ST6GALNAC3: variants seen among roughly 807,000 people sequenced by gnomAD.
The protein encoded by ST6GALNAC3 is alpha-N-acetylgalactosaminide alpha-2,6-sialyltransferase 3.
Under a neutral mutation model 32.7 loss-of-function variants are expected in ST6GALNAC3, and 25 were observed. The ratio of observed to expected loss-of-function variants is 0.76; its 90% CI spans 0.56 to 1.07. The LOEUF is 1.07. ST6GALNAC3 is among the 50% of genes least tolerant of loss of function. The probability of loss-of-function intolerance (pLI) is 0.00; values close to 1 mark genes in which losing one functional copy is unlikely to be tolerated. For synonymous variants in ST6GALNAC3, 129 were observed against 133.1 expected (o/e 0.97, Z 0.21); for missense variants, 355 against 382.4 (o/e 0.93, Z 0.60).
At chr1:76,500,607 T>A (rs1477431412) in intron 3 of ST6GALNAC3, among the ~76,000 whole-genome samples, 1 of 152,212 alleles carries the variant, frequency 6.6e-6, no homozygotes, top group African/African-American at 2.4e-5. Context: ...TTTTAATCAA[T>A]GTCACAGGTG....
At chr1:76,366,726 A>G (rs1163590589) in intron 2 of ST6GALNAC3, among the ~76,000 whole-genome samples, 1 of 152,076 alleles carries the variant, frequency 6.6e-6, no homozygotes, top group Non-Finnish European at 1.5e-5. Context: ...AAAAAAATAC[A>G]CACACAAGTA....
At chr1:76,569,894 TG>T (rs1264640337) in intron 3 of ST6GALNAC3, among the ~76,000 whole-genome samples, 2 of 152,150 alleles carry the variant, frequency 1.3e-5, no homozygotes, top group Non-Finnish European at 2.9e-5. Context: ...CCTATGTTCT[TG>T]GATTTGATGT....
intron 1 of ST6GALNAC3, among the ~76,000 whole-genome samples, chr1:76,187,167 C>A (rs762125056): frequency 1.3e-5 from 2 of 152,184 alleles, no homozygotes; most frequent in Non-Finnish European, 2.9e-5. Context: ...GAAAGCTGTG[C>A]ATTCTAAATG....
intron 3 of ST6GALNAC3, among the ~76,000 whole-genome samples, chr1:76,494,647 G>GCACACACACA: frequency 1.9e-5 from 1 of 54,012 alleles, no homozygotes; most frequent in South Asian, 5.8e-4. Flanking sequence ...TCATGTGTAT[G>GCACACACACA]CGCACACACA....
intron 1 of ST6GALNAC3, among the ~76,000 whole-genome samples, chr1:76,291,580 T>C (rs1660094666): frequency 6.6e-6 from 1 of 152,254 alleles, no homozygotes. Flanking sequence ...AGCAGGCTGC[T>C]TGTCGGAGTT....
chr1:76,498,745 A>C (rs1453233614), intron 3 of ST6GALNAC3, among the ~76,000 whole-genome samples: 1 of 151,276 alleles, frequency 6.6e-6, no homozygotes, highest in African/African-American at 2.4e-5. Context: ...AAAAACGGAG[A>C]AGAAATTTCC....
At chr1:76,149,114 A>T (rs1650880110) in intron 1 of ST6GALNAC3, among the ~76,000 whole-genome samples, 1 of 152,346 alleles carries the variant, frequency 6.6e-6, no homozygotes, top group East Asian at 1.9e-4. Context: ...CGGTCTCTCT[A>T]TGATGAAGAT....
chr1:76,625,383 T>A (rs1648903209), intron 3 of ST6GALNAC3, among the ~76,000 whole-genome samples: 1 of 151,786 alleles, frequency 6.6e-6, no homozygotes, highest in African/African-American at 2.4e-5. Flanking sequence ...ACAAATGCCG[T>A]AACTTTTAGT....
chr1:76,119,670 A>T (rs546547519), intron 1 of ST6GALNAC3, among the ~76,000 whole-genome samples: 5 of 152,368 alleles, frequency 3.3e-5, no homozygotes, highest in South Asian at 2.1e-4. Flanking sequence ...TGTTTATTTT[A>T]AAAAGTTAGG....
intron 3 of ST6GALNAC3, among the ~76,000 whole-genome samples, chr1:76,613,556 A>G (rs1024718452): frequency 1.3e-5 from 2 of 152,244 alleles, no homozygotes; most frequent in African/African-American, 2.4e-5. Context: ...CCCAAATCTC[A>G]TGTCAAATTG....
chr1:76,279,397 C>T (rs1425241020), intron 1 of ST6GALNAC3, among the ~76,000 whole-genome samples: 1 of 152,202 alleles, frequency 6.6e-6, no homozygotes, highest in Non-Finnish European at 1.5e-5. Flanking sequence ...GCAAGTCATT[C>T]GCCATCTGTG....
chr1:76,259,071 G>A (rs921396780), intron 1 of ST6GALNAC3, among the ~76,000 whole-genome samples: 14 of 151,978 alleles, frequency 9.2e-5, no homozygotes, highest in Non-Finnish European at 1.8e-4. Flanking sequence ...ACAAAACCTC[G>A]CTCACGAAAA....
chr1:76,551,245 G>T (rs764009842), intron 3 of ST6GALNAC3, among the ~76,000 whole-genome samples: 1 of 152,148 alleles, frequency 6.6e-6, no homozygotes, highest in East Asian at 1.9e-4. Flanking sequence ...TGAATTTCAA[G>T]ATCAGCTTAT....
At chr1:76,500,967 C>A (rs188711055) in intron 3 of ST6GALNAC3, among the ~76,000 whole-genome samples, 2 of 152,280 alleles carry the variant, frequency 1.3e-5, no homozygotes, top group East Asian at 3.9e-4. Context: ...TATGTAACTA[C>A]ATATTCATAA....
intron 1 of ST6GALNAC3, among the ~76,000 whole-genome samples, chr1:76,284,547 A>G (rs977555412): frequency 3.9e-5 from 6 of 152,154 alleles, no homozygotes; most frequent in African/African-American, 7.2e-5. Context: ...TGTGCCTTCA[A>G]TTTACAAGTT....
intron 1 of ST6GALNAC3, among the ~76,000 whole-genome samples, chr1:76,227,925 G>C (rs947620748): frequency 1.3e-5 from 2 of 152,124 alleles, no homozygotes; most frequent in Non-Finnish European, 2.9e-5. Flanking sequence ...AAGGGATGTG[G>C]TTTCTAGATT....
intron 3 of ST6GALNAC3, among the ~76,000 whole-genome samples, chr1:76,441,468 A>AT (rs933587265): frequency 4.0e-5 from 6 of 151,636 alleles, no homozygotes; most frequent in Non-Finnish European, 7.4e-5. Context: ...CCCAGATCTG[A>AT]TTTTTTTTCA....
At chr1:76,404,682 G>C (rs984793330) in intron 2 of ST6GALNAC3, among the ~76,000 whole-genome samples, 2 of 152,036 alleles carry the variant, frequency 1.3e-5, no homozygotes, top group African/African-American at 2.4e-5. Flanking sequence ...TGCGTCTCTG[G>C]AGCTTTGTTC....
intron 1 of ST6GALNAC3, among the ~76,000 whole-genome samples, chr1:76,252,441 C>A (rs1387516839): frequency 6.6e-6 from 1 of 152,100 alleles, no homozygotes; most frequent in Non-Finnish European, 1.5e-5. Context: ...CAAGTGGGAG[C>A]TATTTCATGT....
Sources: gnomAD v4.1 joint callset for allele counts (sites outside exome capture counted in the v4.1 genomes callset) on GRCh38, gnomAD v4.1.1 for gene constraint, MANE v1.5 for transcripts, NCBI Gene and HGNC (gene_info 2026-07-23, HGNC 2026-07-21) for gene names.